CFAP20DC: variants seen among roughly 807,000 people sequenced by gnomAD.
The protein encoded by CFAP20DC is protein CFAP20DC.
A neutral mutation model predicts 101.7 loss-of-function variants in CFAP20DC; 84 were observed. The observed-to-expected ratio is 0.83, with a 90% CI of 0.69 to 0.99. CFAP20DC has a LOEUF of 0.99. Ranked by LOEUF, CFAP20DC falls within the 50% of genes least tolerant of loss-of-function variation. The probability of loss-of-function intolerance (pLI) is 0.00; values close to 1 mark genes in which losing one functional copy is unlikely to be tolerated. For synonymous variants in CFAP20DC, 359 were observed against 351.2 expected, an observed-to-expected ratio of 1.02 and a Z score of -0.25; for missense variants, 1,007 against 970.3, an observed-to-expected ratio of 1.04 and a Z score of -0.50.
chr3:58,841,885 T>C (rs2077142294), intron 13 of CFAP20DC, among the ~76,000 whole-genome samples: 3 of 152,228 alleles, frequency 2.0e-5, no homozygotes. Context: ...TGTTTGTTTG[T>C]TTAAAGAAAC....
In CFAP20DC at chr3:59,002,621, C is replaced by T. The variant is rs2093339762; in HGVS notation, c.278+36936G>A. ...GTTCCATTATTCTTTCTCTCAACCACAAATCTGATCTGATATGTCTGGTGT... is the reference window on the plus strand; with the variant it reads ...GTTCCATTATTCTTTCTCTCAACCATAAATCTGATCTGATATGTCTGGTGT... On this transcript the variant is annotated intron_variant, in intron 4 of 16. Transcript: ENST00000482387. The surrounding 1 kb of genome is among the most constrained non-coding windows in gnomAD (Gnocchi z 4.5). Among the ~76,000 whole-genome samples the T allele has an allele frequency of 6.6e-6, 1 of 152,180 alleles. No individual in the cohort carries two copies. Among genetic ancestry groups the T allele is most frequent in the African/African-American group, 2.4e-5 (1 of 41,450 alleles).
rs1026958320 is a variant in CFAP20DC, at chr3:59,002,736, C to G, written c.278+36821G>C. Among the ~76,000 whole-genome samples the G allele has an allele frequency of 2.0e-5, 3 of 152,178 alleles. No individual in the cohort carries two copies. The highest frequency in any genetic ancestry group is 7.2e-5 in the African/African-American group (3 of 41,454). On this transcript the variant is annotated intron_variant, in intron 4 of 16. Coordinates refer to ENST00000482387, the MANE Select transcript of CFAP20DC (RefSeq NM_001394063.1). The surrounding 1 kb of genome is among the most constrained non-coding windows in gnomAD (Gnocchi z 4.5). ...TATTTTTCTTCAACTTTCTTCCTCA[C>G]TCAAAGAGATGTTATTTTAAGTAAA...
At chr3:58,878,749 C>T (rs746336975) in intron 7 of CFAP20DC, among the ~76,000 whole-genome samples, 9 of 152,062 alleles carry the variant, frequency 5.9e-5, no homozygotes, top group Non-Finnish European at 1.3e-4. Flanking sequence ...GGGTGGCTCA[C>T]GCCTGTAATC....
rs2067526704 is a variant in CFAP20DC at position 58,724,817 on chromosome 3, G to A, written c.198-7189C>T. 6.6e-6 allele frequency among the ~76,000 whole-genome samples: 1 copy of A among 152,048 alleles called. No individual in the cohort carries two copies. The highest frequency in any genetic ancestry group is 2.1e-4 in the South Asian group (1 of 4,814). ...GACTTCGGGTACCCTACGGGTGGGT[G>A]GTGTTGAGGCTGGTCCCCAACACAG... On this transcript the variant is annotated intron_variant, in intron 3 of 3. Transcript: ENST00000486145. This position sits in a 1 kb window ranked among gnomAD's most constrained non-coding sequence, Gnocchi z 5.6.
rs1350312200 is a variant in CFAP20DC, at chr3:58,971,734, G to T, written c.279-33972C>A. Among the ~76,000 whole-genome samples the T allele has an allele frequency of 3.3e-5, 5 of 152,066 alleles. No homozygotes were observed. The highest frequency in any genetic ancestry group is 6.6e-5 in the Admixed American group (1 of 15,240). ...TAAAAAGAGTGAGACAGATTTAGTA[G>T]TATGGAAATCGTCTCAAGGCAGGTA... On this transcript the variant is annotated intron_variant, in intron 4 of 16. Coordinates refer to ENST00000482387, the MANE Select transcript of CFAP20DC (RefSeq NM_001394063.1). This position sits in a 1 kb window ranked among gnomAD's most constrained non-coding sequence, Gnocchi z 4.1.
chr3:58,742,666 G>C (rs980211582), intron 16 of CFAP20DC, 94 bp from the exon 17 acceptor site: 7 of 809,088 alleles, frequency 8.7e-6, no homozygotes. Flanking sequence ...ATCTCTCCTG[G>C]GGGATTTTCT....
chr3:58,945,758 G>A (rs538412832), intron 4 of CFAP20DC, among the ~76,000 whole-genome samples: 178 of 150,014 alleles, frequency 1.2e-3, no homozygotes, highest in Middle Eastern at 3.4e-3. Flanking sequence ...GTCCAGTGGC[G>A]CGATGTCGGC....
At chr3:58,849,433 A>T (rs1462832127) in intron 12 of CFAP20DC, 24 bp from the exon 13 acceptor site, 1 of 1,475,802 alleles carries the variant, frequency 6.8e-7, no homozygotes, top group African/African-American at 1.4e-5. Flanking sequence ...CAAAGTAAAA[A>T]TAATTTTGAG....
chr3:58,804,197 A>G (rs1233517708), intron 15 of CFAP20DC, among the ~76,000 whole-genome samples: 6 of 152,162 alleles, frequency 3.9e-5, no homozygotes, highest in Non-Finnish European at 8.8e-5. Flanking sequence ...GAGGGTATTC[A>G]TATTATTAAA....
At chr3:58,778,158 C>A (rs2071503099) in intron 15 of CFAP20DC, among the ~76,000 whole-genome samples, 1 of 152,178 alleles carries the variant, frequency 6.6e-6, no homozygotes, top group Non-Finnish European at 1.5e-5. Flanking sequence ...AGTAGAAGGA[C>A]CAAAGTGCAG....
chr3:58,920,665 T>C (rs557685857), intron 5 of CFAP20DC, among the ~76,000 whole-genome samples: 6 of 152,170 alleles, frequency 3.9e-5, no homozygotes, highest in Non-Finnish European at 8.8e-5. Flanking sequence ...AAGACCAACC[T>C]TGAAATCCTG....
chr3:58,783,977 T>C (rs1473277664), intron 15 of CFAP20DC, among the ~76,000 whole-genome samples: 8 of 152,058 alleles, frequency 5.3e-5, no homozygotes, highest in East Asian at 1.9e-4. Context: ...TGGTACACAA[T>C]AGTTCTTTAA....
chr3:58,900,764 G>A (rs1327864647), intron 6 of CFAP20DC, among the ~76,000 whole-genome samples: 2 of 152,150 alleles, frequency 1.3e-5, no homozygotes, highest in Non-Finnish European at 2.9e-5. Context: ...CCAATATGAG[G>A]TAGTGTATTA....
At chr3:58,785,662 T>C (rs975620301) in intron 15 of CFAP20DC, among the ~76,000 whole-genome samples, 1 of 152,124 alleles carries the variant, frequency 6.6e-6, no homozygotes, top group Non-Finnish European at 1.5e-5. Context: ...ATTGAAGATG[T>C]AGGGGAAGTA....
chr3:58,838,245 A>T (rs2076872162), intron 13 of CFAP20DC, among the ~76,000 whole-genome samples: 1 of 152,068 alleles, frequency 6.6e-6, no homozygotes, highest in African/African-American at 2.4e-5. Context: ...GGGTTGCTAT[A>T]TTGAGTTACA....
intron 15 of CFAP20DC, among the ~76,000 whole-genome samples, chr3:58,804,554 G>T (rs897635680): frequency 2.6e-5 from 4 of 151,916 alleles, no homozygotes; most frequent in African/African-American, 9.7e-5. Context: ...TTAGAGATGT[G>T]GTTTCACCAT....
intron 6 of CFAP20DC, among the ~76,000 whole-genome samples, chr3:58,898,798 A>G (rs996394497): frequency 6.6e-6 from 1 of 151,866 alleles, no homozygotes; most frequent in African/African-American, 2.4e-5. Flanking sequence ...TTTTGCATTG[A>G]TTATTTCTCA....
At chr3:58,817,335 T>C (rs561035316) in intron 14 of CFAP20DC, among the ~76,000 whole-genome samples, 4 of 152,108 alleles carry the variant, frequency 2.6e-5, no homozygotes, top group African/African-American at 9.6e-5. Flanking sequence ...GACGATCAAA[T>C]TACTCTGAGC....
Position 58,854,386 on chromosome 3 carries a change from A to T in CFAP20DC, c.1594-4977T>A, listed in dbSNP as rs546793313. 5.4e-3 allele frequency among the ~76,000 whole-genome samples: 818 copies of T among 151,166 alleles called. 6 individuals are homozygous for T. The highest frequency in any genetic ancestry group is 0.018 in the African/African-American group (743 of 41,072). On this transcript the variant is annotated intron_variant, in intron 12 of 16. Coordinates refer to ENST00000482387, the MANE Select transcript of CFAP20DC (RefSeq NM_001394063.1). ...CCATGCTCATGGGTAGGAAGAATCA[A>T]TATCGTGAAAATGGCCATACTGCCC...
Sources: gnomAD v4.1 joint callset for allele counts (sites outside exome capture counted in the v4.1 genomes callset) on GRCh38, gnomAD v4.1.1 for gene constraint, Gnocchi (gnomAD v3.1) non-coding constraint, MANE v1.5 for transcripts, NCBI Gene and HGNC (gene_info 2026-07-23, HGNC 2026-07-21) for gene names.